Variants in TNKS observed in about 807,000 individuals in gnomAD.
TNKS encodes the protein tankyrase.
TNKS carries 72 observed loss-of-function variants against 135.8 expected under a neutral mutation model. That is an observed-to-expected ratio of 0.53 (90% CI 0.44 to 0.64). The LOEUF (loss-of-function observed/expected upper bound fraction) is 0.64. TNKS is among the 30% of genes least tolerant of loss of function. The probability of loss-of-function intolerance (pLI) is 0.00; values close to 1 mark genes in which losing one functional copy is unlikely to be tolerated. For synonymous variants in TNKS, 849 were observed against 649.3 expected, an observed-to-expected ratio of 1.31 and a Z score of -4.68; for missense variants, 1,769 against 1,674.0, an observed-to-expected ratio of 1.06 and a Z score of -0.99.
chr8:9,611,334 GTTTCC>G (rs1799455538), intron 2 of TNKS, among the ~76,000 whole-genome samples: 1 of 152,118 alleles, frequency 6.6e-6, no homozygotes, highest in African/African-American at 2.4e-5. Flanking sequence ...TCAGATTTTA[GTTTCC>G]TTCTTTTTCT....
chr8:9,699,259 C>T (rs936452502), intron 5 of TNKS, among the ~76,000 whole-genome samples: 4 of 152,202 alleles, frequency 2.6e-5, no homozygotes, highest in African/African-American at 7.2e-5. Flanking sequence ...ATTACTTTTA[C>T]CATTGCTTTG....
chr8:9,625,371 T>G (rs1369806879), intron 3 of TNKS, among the ~76,000 whole-genome samples: 1 of 152,056 alleles, frequency 6.6e-6, no homozygotes, highest in Non-Finnish European at 1.5e-5. Flanking sequence ...ATTCAAATTC[T>G]TTTTCTGTTT....
intron 17 of TNKS, among the ~76,000 whole-genome samples, chr8:9,747,640 A>G (rs534844511): frequency 2.2e-4 from 33 of 152,362 alleles, no homozygotes; most frequent in African/African-American, 7.9e-4. Flanking sequence ...GCATATTTGA[A>G]AAGTTTGGCA....
intron 2 of TNKS, among the ~76,000 whole-genome samples, chr8:9,608,652 C>G (rs929623076): frequency 1.3e-5 from 2 of 152,182 alleles, no homozygotes; most frequent in African/African-American, 4.8e-5. Flanking sequence ...CTGGGGCCTG[C>G]TCTCTGCACA....
At chr8:9,695,349 G>C (rs4240631) in intron 5 of TNKS, among the ~76,000 whole-genome samples, 1 of 152,024 alleles carries the variant, frequency 6.6e-6, no homozygotes, top group African/African-American at 2.4e-5. Flanking sequence ...TTTTGTTACT[G>C]ACTTAATTTT....
chr8:9,751,480 CA>C, intron 18 of TNKS, 128 bp from the exon 19 acceptor site: 1 of 737,060 alleles, frequency 1.4e-6, no homozygotes, highest in Non-Finnish European at 2.2e-6. Context: ...AAGGAATGAT[CA>C]AAAACCAGTA....
At chr8:9,663,663 G>C (rs1164327917) in intron 3 of TNKS, among the ~76,000 whole-genome samples, 1 of 152,206 alleles carries the variant, frequency 6.6e-6, no homozygotes, top group Non-Finnish European at 1.5e-5. Flanking sequence ...GTCAATTGGG[G>C]GTTCCCATGA....
At chr8:9,672,368 G>T (rs1802314887) in intron 3 of TNKS, among the ~76,000 whole-genome samples, 1 of 152,040 alleles carries the variant, frequency 6.6e-6, no homozygotes, top group African/African-American at 2.4e-5. Context: ...ACCCCCCGTG[G>T]AGACTGGGGC....
intron 2 of TNKS, among the ~76,000 whole-genome samples, chr8:9,613,118 G>A (rs77849142): frequency 0.023 from 3,546 of 152,240 alleles, 55 homozygotes; most frequent in Non-Finnish European, 0.037. Context: ...GTGGACTGAT[G>A]CAGTTCAAAC....
intron 1 of TNKS, chr8:9,558,708 A>G (rs1797191263): frequency 6.6e-6 from 1 of 152,202 alleles, no homozygotes; most frequent in Non-Finnish European, 1.5e-5. Flanking sequence ...TAGAAGATAA[A>G]CAATCAAACA....
chr8:9,559,388 T>C (rs1410901932), intron 1 of TNKS, among the ~76,000 whole-genome samples: 2 of 152,286 alleles, frequency 1.3e-5, no homozygotes, highest in South Asian at 2.1e-4. Context: ...ACTAATGCTT[T>C]TATTTATTTT....
intron 3 of TNKS, among the ~76,000 whole-genome samples, chr8:9,668,791 T>C (rs939832097): frequency 2.0e-5 from 3 of 152,156 alleles, no homozygotes; most frequent in Non-Finnish European, 4.4e-5. Context: ...GTGAGTGATG[T>C]AGAGTTGATA....
At chr8:9,577,014 G>T (rs1797975042) in intron 1 of TNKS, among the ~76,000 whole-genome samples, 1 of 152,126 alleles carries the variant, frequency 6.6e-6, no homozygotes, top group African/African-American at 2.4e-5. Context: ...GAAGCAAAGA[G>T]GGGACTAGGA....
At chr8:9,718,403 G>A (rs1419003382) in intron 11 of TNKS, among the ~76,000 whole-genome samples, 1 of 152,112 alleles carries the variant, frequency 6.6e-6, no homozygotes, top group Non-Finnish European at 1.5e-5. Context: ...TAGGAGAAGT[G>A]GCCTCAGGAT....
intron 26 of TNKS, among the ~76,000 whole-genome samples, chr8:9,771,083 G>C (rs1290382273): frequency 1.3e-5 from 2 of 151,822 alleles, no homozygotes; most frequent in Admixed American, 6.6e-5. Flanking sequence ...TGGGTAAGTA[G>C]TAATATAAGC....
intron 2 of TNKS, among the ~76,000 whole-genome samples, chr8:9,605,086 A>T (rs1236622730): frequency 6.6e-6 from 1 of 152,118 alleles, no homozygotes; most frequent in East Asian, 1.9e-4. Context: ...GGTTTGACAA[A>T]TGTGTATACC....
chr8:9,695,849 G>T (rs1344852623), intron 5 of TNKS, among the ~76,000 whole-genome samples: 1 of 152,178 alleles, frequency 6.6e-6, no homozygotes, highest in African/African-American at 2.4e-5. Flanking sequence ...AATGAAGAAA[G>T]ACTCCCAAAG....
intron 17 of TNKS, among the ~76,000 whole-genome samples, chr8:9,738,740 T>C (rs2128820750): frequency 1.4e-5 from 1 of 73,420 alleles, no homozygotes; most frequent in Admixed American, 1.6e-4. Flanking sequence ...TGAGTTCTAG[T>C]TTGATTGCAC....
At chr8:9,758,838 TTG>T (rs1806990848) in intron 20 of TNKS, among the ~76,000 whole-genome samples, 1 of 152,210 alleles carries the variant, frequency 6.6e-6, no homozygotes, top group African/African-American at 2.4e-5. Context: ...AGCACACATT[TTG>T]TGAGTCAGGA....
Sources: gnomAD v4.1 joint callset for allele counts (sites outside exome capture counted in the v4.1 genomes callset) on GRCh38, gnomAD v4.1.1 for gene constraint, MANE v1.5 for transcripts, NCBI Gene and HGNC (gene_info 2026-07-23, HGNC 2026-07-21) for gene names.